The following ITGA11 variants were observed in gnomAD, a reference collection of about 807,000 sequenced individuals.
ITGA11 encodes integrin alpha-11.
A neutral mutation model predicts 141.9 loss-of-function variants in ITGA11; 97 were observed. That is an observed-to-expected ratio of 0.68 (90% CI 0.58 to 0.81). The LOEUF is 0.81. Among genes scored for constraint, ITGA11 ranks in the 30% least tolerant of loss-of-function variants. The probability of loss-of-function intolerance (pLI) is 0.00; values close to 1 mark genes in which losing one functional copy is unlikely to be tolerated. For synonymous variants in ITGA11, 658 were observed against 624.6 expected, an observed-to-expected ratio of 1.05 and a Z score of -0.80; for missense variants, 1,387 against 1,559.2, an observed-to-expected ratio of 0.89 and a Z score of 1.86.
At chr15:68,413,426 G>A (rs2140427205) in intron 1 of ITGA11, among the ~76,000 whole-genome samples, 1 of 152,244 alleles carries the variant, frequency 6.6e-6, no homozygotes, top group Admixed American at 6.5e-5. Context: ...AGGAAGTGAG[G>A]ACACCAAGCT....
intron 1 of ITGA11, among the ~76,000 whole-genome samples, chr15:68,423,899 A>G (rs1320668826): frequency 1.3e-5 from 2 of 151,926 alleles, no homozygotes; most frequent in Non-Finnish European, 2.9e-5. Flanking sequence ...CTGAACCCTC[A>G]CTTCAATTTC....
intron 1 of ITGA11, among the ~76,000 whole-genome samples, chr15:68,421,278 G>A (rs12912332): frequency 0.18 from 27,367 of 151,804 alleles, 2,994 homozygotes; most frequent in Non-Finnish European, 0.25. Flanking sequence ...GAAACAGCAA[G>A]TGCAAAGTCC....
At chr15:68,396,765 A>G (rs1220232168) in intron 2 of ITGA11, among the ~76,000 whole-genome samples, 1 of 148,994 alleles carries the variant, frequency 6.7e-6, no homozygotes, top group African/African-American at 2.5e-5. Context: ...TTGTATTTTT[A>G]TGTACTAGTA....
chr15:68,310,965 C>G (rs771754102), intron 26 of ITGA11, 29 bp downstream of exon 26: 1 of 1,557,974 alleles, frequency 6.4e-7, no homozygotes, highest in Non-Finnish European at 8.8e-7. Flanking sequence ...ACCCCAACCA[C>G]TGTGGCTCTC....
chr15:68,396,624 C>T (rs1478026568), intron 2 of ITGA11, among the ~76,000 whole-genome samples: 1 of 150,972 alleles, frequency 6.6e-6, no homozygotes, highest in African/African-American at 2.4e-5. Context: ...AAATAATAAA[C>T]AAAACTGTAA....
At chr15:68,428,885 T>C (rs1220951021) in intron 1 of ITGA11, among the ~76,000 whole-genome samples, 1 of 152,096 alleles carries the variant, frequency 6.6e-6, no homozygotes, top group African/African-American at 2.4e-5. Flanking sequence ...CAACCCTGAG[T>C]TCTTATTATG....
Position 68,324,893 on chromosome 15 carries a change from C to G in ITGA11, c.2322+238G>C, listed in dbSNP as rs1893921989. Among the ~76,000 whole-genome samples the G allele has an allele frequency of 6.6e-6, 1 of 152,142 alleles. No individual in the cohort carries two copies. Among genetic ancestry groups the G allele is most frequent in the Non-Finnish European group, 1.5e-5 (1 of 68,024 alleles). On this transcript the variant is annotated intron_variant, in intron 18 of 29. Coordinates refer to ENST00000315757, the MANE Select transcript of ITGA11 (RefSeq NM_001004439.2). The surrounding 1 kb of genome is among the most constrained non-coding windows in gnomAD (Gnocchi z 6.3). ...CCCCTGTGCTGGGGATACGGGGAAA[C>G]TTGAACAGGAGAAGGCCTGGGCCTT...
At position 68,313,810 on chromosome 15, in the gene ITGA11, G is replaced by C. The variant is rs1893477932; in HGVS notation, c.2851C>G (p.Leu951Val). Residue 951 changes from leucine (L) to valine (V), a missense_variant, in exon 23 of 30, where the codon CTC (leucine) becomes GTC (valine). Coordinates refer to ENST00000315757, the MANE Select transcript of ITGA11 (RefSeq NM_001004439.2). ...EDNVAPLRFH[L>V]KYEADVLFTR... ...AAGAGGACGTCAGCCTCGTATTTGA[G>C]GTGGAAGCGTAAGGGGGCCACGTTG... The C allele has an allele frequency of 6.2e-7, 1 of 1,613,888 alleles. No individual in the cohort carries two copies.
chr15:68,385,566 C>T (rs971199652), intron 2 of ITGA11, among the ~76,000 whole-genome samples: 3 of 152,260 alleles, frequency 2.0e-5, no homozygotes, highest in East Asian at 1.9e-4. Flanking sequence ...AGTACCTAAA[C>T]CCACTGTAAA....
intron 1 of ITGA11, among the ~76,000 whole-genome samples, chr15:68,421,693 G>A (rs1897021300): frequency 7.5e-6 from 1 of 133,662 alleles, no homozygotes; most frequent in African/African-American, 2.7e-5. Flanking sequence ...GGTGATGTGG[G>A]GCCAGCCTGG....
intron 2 of ITGA11, among the ~76,000 whole-genome samples, chr15:68,387,617 G>A (rs879633357): frequency 2.6e-5 from 4 of 152,162 alleles, no homozygotes; most frequent in Admixed American, 1.3e-4. Context: ...AGAGACTGGA[G>A]ATTTTCTGTG....
intron 4 of ITGA11, among the ~76,000 whole-genome samples, chr15:68,363,752 A>G (rs1895326984): frequency 2.0e-5 from 3 of 152,156 alleles, no homozygotes; most frequent in African/African-American, 4.8e-5. Flanking sequence ...TTTGAACCCC[A>G]AGCATCGCCC....
At position 68,311,072 on chromosome 15, in the gene ITGA11, C is replaced by A; in HGVS notation, c.3096G>T (p.Thr1032=). 1 of 1,607,304 alleles carries A rather than the reference C, an allele frequency of 6.2e-7. No homozygotes were observed. Among genetic ancestry groups the A allele is most frequent in the Non-Finnish European group, 8.5e-7 (1 of 1,176,718 alleles). ...TGCTATTGCCCCAGATGTTACAGGA[C>A]GTGTTCGCCTACATAAAGGACATGG... ...LRDFLTDEAN[T]SCNIWGNSTE... is the part of the protein sequence containing the mutation. The change falls in exon 26 of 30, where the codon ACG becomes ACT. Residue 1032 remains threonine (T), a synonymous_variant. Transcript: ENST00000315757.
chr15:68,347,378 T>C (rs551417345), intron 10 of ITGA11, among the ~76,000 whole-genome samples: 1 of 152,320 alleles, frequency 6.6e-6, no homozygotes, highest in East Asian at 1.9e-4. Context: ...CTGCCAACCT[T>C]GTAGGGCTGT....
intron 10 of ITGA11, 91 bp from the exon 11 acceptor site, chr15:68,339,735 A>T: frequency 6.8e-7 from 1 of 1,473,868 alleles, no homozygotes; most frequent in Non-Finnish European, 9.4e-7. Context: ...TGACGCCTCC[A>T]CCAGCCACCT....
intron 21 of ITGA11, 101 bp from the exon 22 acceptor site, chr15:68,315,828 G>A: frequency 3.1e-6 from 3 of 957,068 alleles, no homozygotes; most frequent in Non-Finnish European, 4.7e-6. Context: ...GGGAGAGGGA[G>A]CTTGCTGGGG....
rs911294788 is a variant in ITGA11, at chr15:68,301,132, T to G, written c.*1927A>C. ...TCACCTTTTGCTCCACATCAAGCCC[T>G]TCTAAGGCTGGGCTCGAATAACAGA... On this transcript the variant is annotated 3_prime_UTR_variant, in exon 30 of 30. Coordinates refer to ENST00000315757, the MANE Select transcript of ITGA11 (RefSeq NM_001004439.2). This position sits in a 1 kb window ranked among gnomAD's most constrained non-coding sequence, Gnocchi z 4.4. 2 of 152,258 alleles carry G rather than the reference T, an allele frequency of 1.3e-5. No homozygotes were observed. The highest frequency in any genetic ancestry group is 4.8e-5 in the African/African-American group (2 of 41,468). The allele number at this position is 152,258 out of a possible 1,614,324, so 9.4% of individuals were successfully genotyped here.
chr15:68,303,154 T>A lies in ITGA11; in HGVS notation c.3496-24A>T. ...AGCTGTGAGGAGGCAAAGGGAGACG[T>A]CTCAGAGGAGGACAGGGTGGGCAAG... On this transcript the variant is annotated intron_variant, in intron 29 of 29. Coordinates refer to ENST00000315757, the MANE Select transcript of ITGA11 (RefSeq NM_001004439.2). The surrounding 1 kb of genome is among the most constrained non-coding windows in gnomAD (Gnocchi z 5.3). 1 of 1,548,272 alleles carries A rather than the reference T, an allele frequency of 6.5e-7. No individual in the cohort carries two copies. Among genetic ancestry groups the A allele is most frequent in the Non-Finnish European group, 8.7e-7 (1 of 1,145,092 alleles).
chr15:68,425,158 A>G (rs1897113293), intron 1 of ITGA11, among the ~76,000 whole-genome samples: 1 of 152,210 alleles, frequency 6.6e-6, no homozygotes, highest in South Asian at 2.1e-4. Flanking sequence ...GTAAAGTGGG[A>G]TCATGGTGTC....
Sources: gnomAD v4.1 joint callset for allele counts (sites outside exome capture counted in the v4.1 genomes callset) on GRCh38, gnomAD v4.1.1 for gene constraint, Gnocchi (gnomAD v3.1) non-coding constraint, MANE v1.5 for transcripts, NCBI Gene and HGNC (gene_info 2026-07-23, HGNC 2026-07-21) for gene names.